SYT10: variants seen among roughly 807,000 people sequenced by gnomAD.
SYT10 encodes synaptotagmin 10.
In SYT10, 31 loss-of-function variants were observed where a neutral mutation model predicts 51.1. The ratio of observed to expected loss-of-function variants is 0.61; its 90% CI spans 0.46 to 0.82. SYT10 has a LOEUF of 0.82. Among genes scored for constraint, SYT10 ranks in the 40% least tolerant of loss-of-function variants. SYT10 has a pLI of 0.00. For synonymous variants in SYT10, 233 were observed against 225.9 expected, an observed-to-expected ratio of 1.03 and a Z score of -0.28; for missense variants, 603 against 634.0, an observed-to-expected ratio of 0.95 and a Z score of 0.53.
At chr12:33,392,988 A>AAAAG (rs1355834795) in intron 3 of SYT10, among the ~76,000 whole-genome samples, 1 of 98,966 alleles carries the variant, frequency 1.0e-5, no homozygotes, top group Non-Finnish European at 2.3e-5. Context: ...TTGCCATTAA[A>AAAAG]AAAAAAAAAA....
intron 1 of SYT10, among the ~76,000 whole-genome samples, chr12:33,435,857 T>C (rs1055676877): frequency 2.6e-5 from 4 of 152,214 alleles, no homozygotes; most frequent in Admixed American, 2.6e-4. Context: ...TAAAATTATT[T>C]CCCATATACC....
intron 6 of SYT10, 102 bp from the exon 7 acceptor site, chr12:33,377,003 G>A (rs928052622): frequency 1.2e-5 from 14 of 1,209,452 alleles, no homozygotes; most frequent in South Asian, 5.2e-5. Context: ...CATAATATGC[G>A]AATCTCTGAA....
At chr12:33,426,586 T>A in intron 1 of SYT10, 91 bp from the exon 2 acceptor site, 1 of 1,129,504 alleles carries the variant, frequency 8.9e-7, no homozygotes, top group Non-Finnish European at 1.2e-6. Flanking sequence ...ATTGTTATTA[T>A]TTCCTGATTC....
At chr12:33,426,556 A>G in intron 1 of SYT10, 61 bp from the exon 2 acceptor site, 3 of 1,330,000 alleles carry the variant, frequency 2.3e-6, no homozygotes, top group Non-Finnish European at 3.0e-6. Flanking sequence ...GCAGAAATGG[A>G]AAGAATATTT....
chr12:33,399,831 G>A (rs1352335367), intron 3 of SYT10, among the ~76,000 whole-genome samples: 1 of 152,150 alleles, frequency 6.6e-6, no homozygotes, highest in African/African-American at 2.4e-5. Context: ...CTTACATACA[G>A]GTTCATGGAA....
At chr12:33,433,259 C>T (rs74072803) in intron 1 of SYT10, among the ~76,000 whole-genome samples, 46 of 152,170 alleles carry the variant, frequency 3.0e-4, no homozygotes, top group African/African-American at 1.0e-3. Context: ...ACTAATGATG[C>T]CCTGAGATTT....
Position 33,439,698 on chromosome 12 carries a change from A to G in SYT10, c.-176T>C. On this transcript the variant is annotated 5_prime_UTR_variant, in exon 1 of 7. Transcript: ENST00000228567. ...AGCCCCACGTTGGCCCCATGGCGGGAGCGGAGGGCGTAGGGGAAGGAGAGG... is the reference window on the plus strand; with the variant it reads ...AGCCCCACGTTGGCCCCATGGCGGGGGCGGAGGGCGTAGGGGAAGGAGAGG... 2 of 738,532 alleles carry G rather than the reference A, an allele frequency of 2.7e-6. No individual in the cohort carries two copies. The highest frequency in any genetic ancestry group is 4.2e-6 in the Non-Finnish European group (2 of 477,064). The allele number at this position is 738,532 out of a possible 1,614,324, so 45.7% of individuals were successfully genotyped here. A position where few individuals can be genotyped will look rare whatever the true frequency, so the allele number is the denominator to read the frequency against.
chr12:33,390,922 G>A (rs1056591379), intron 3 of SYT10, among the ~76,000 whole-genome samples: 4 of 150,496 alleles, frequency 2.7e-5, no homozygotes, highest in East Asian at 3.9e-4. Flanking sequence ...GTTAAATTAC[G>A]TTTTTTTTTG....
chr12:33,410,672 G>C (rs57100092), intron 2 of SYT10, among the ~76,000 whole-genome samples: 8 of 152,302 alleles, frequency 5.3e-5, no homozygotes, highest in African/African-American at 1.9e-4. Context: ...AGAATGAGAA[G>C]CTTTAGTGTG....
chr12:33,415,449 C>T (rs1222168799), intron 2 of SYT10, among the ~76,000 whole-genome samples: 1 of 152,158 alleles, frequency 6.6e-6, no homozygotes, highest in Non-Finnish European at 1.5e-5. Flanking sequence ...GACCCCCTGA[C>T]TTCACATCTC....
At chr12:33,436,147 G>A (rs1395728027) in intron 1 of SYT10, among the ~76,000 whole-genome samples, 1 of 152,084 alleles carries the variant, frequency 6.6e-6, no homozygotes, top group East Asian at 1.9e-4. Context: ...AAATTGATGA[G>A]CATTTGAGCA....
chr12:33,416,496 AAGTCTTCATTATCTT>A (rs1866455076), intron 2 of SYT10, among the ~76,000 whole-genome samples: 1 of 152,166 alleles, frequency 6.6e-6, no homozygotes, highest in Admixed American at 6.6e-5. Context: ...CCTTTCTATA[AAGTCTTCATTATCTT>A]AGTCTTCTGG....
At position 33,385,234 on chromosome 12, in the gene SYT10, G is replaced by A. The variant is rs760055492; in HGVS notation, c.1135C>T (p.Arg379Cys). 3.7e-6 allele frequency: 6 copies of A among 1,613,598 alleles called. No homozygotes were observed. Among genetic ancestry groups the A allele is most frequent in the Non-Finnish European group, 5.1e-6 (6 of 1,179,770 alleles). Residue 379 changes from arginine (R) to cysteine (C), a missense_variant, in exon 4 of 7, where the codon CGT becomes TGT. Physicochemically the swap from Arg to Cys is radical, Grantham distance 180. Transcript: ENST00000228567. ...CACTTAATGACTGTCAATGTCATAC[G>A]CCCAGCCGTCGGTAGGTAACAAAGG... ...FSLCYLPTAG[R>C]MTLTVIKCRN...
chr12:33,399,858 G>A (rs1591987469), intron 3 of SYT10, among the ~76,000 whole-genome samples: 1 of 152,288 alleles, frequency 6.6e-6, no homozygotes, highest in East Asian at 1.9e-4. Context: ...TTCATCATTT[G>A]AGTTAATCTA....
chr12:33,421,277 CCATGTA>C (rs1486885867), intron 2 of SYT10, among the ~76,000 whole-genome samples: 15 of 152,194 alleles, frequency 9.9e-5, no homozygotes, highest in African/African-American at 3.6e-4. Context: ...TGATTTCTTC[CCATGTA>C]CATTTTCCTG....
At chr12:33,425,581 C>T (rs1866543440) in intron 2 of SYT10, among the ~76,000 whole-genome samples, 1 of 152,158 alleles carries the variant, frequency 6.6e-6, no homozygotes, top group Non-Finnish European at 1.5e-5. Context: ...ATACTTTGCC[C>T]AGTGTAAGAA....
intron 4 of SYT10, among the ~76,000 whole-genome samples, chr12:33,382,997 T>C (rs1161089627): frequency 6.6e-6 from 1 of 152,190 alleles, no homozygotes; most frequent in Non-Finnish European, 1.5e-5. Flanking sequence ...TATGACATTG[T>C]CTACATCATG....
At chr12:33,418,299 T>C (rs1209520633) in intron 2 of SYT10, among the ~76,000 whole-genome samples, 2 of 152,172 alleles carry the variant, frequency 1.3e-5, no homozygotes. Flanking sequence ...TACTAGCCTC[T>C]ACTTCTCAGT....
chr12:33,376,815 C>G lies in SYT10; in HGVS notation c.*15G>C. 1 of 1,613,856 alleles carries G rather than the reference C, an allele frequency of 6.2e-7. No individual in the cohort carries two copies. Among genetic ancestry groups the G allele is most frequent in the Non-Finnish European group, 8.5e-7 (1 of 1,179,846 alleles). On this transcript the variant is annotated 3_prime_UTR_variant, in exon 7 of 7. Coordinates refer to ENST00000228567, the MANE Select transcript of SYT10 (RefSeq NM_198992.4). ...GATCCTAGATGCTTAATATCATGGTCTCATTTTGGAGGCATTATGGTGTGG... is the reference window on the plus strand; with the variant it reads ...GATCCTAGATGCTTAATATCATGGTGTCATTTTGGAGGCATTATGGTGTGG...
Sources: gnomAD v4.1 joint callset for allele counts (sites outside exome capture counted in the v4.1 genomes callset) on GRCh38, gnomAD v4.1.1 for gene constraint, MANE v1.5 for transcripts, NCBI Gene and HGNC (gene_info 2026-07-23, HGNC 2026-07-21) for gene names.